Variants in RNF212B observed in about 807,000 individuals in gnomAD.
The protein encoded by RNF212B is ring finger protein 212B.
A neutral mutation model predicts 55.5 loss-of-function variants in RNF212B; 52 were observed. The ratio of observed to expected loss-of-function variants is 0.94; its 90% confidence interval spans 0.75 to 1.18. RNF212B has a LOEUF of 1.18. Among genes scored for constraint, RNF212B ranks in the 50% most tolerant of loss-of-function variants. The probability of loss-of-function intolerance (pLI) is 0.00; values close to 1 mark genes in which losing one functional copy is unlikely to be tolerated. For synonymous variants in RNF212B, 99 were observed against 121.4 expected (o/e 0.82, Z 1.21); for missense variants, 289 against 350.4 (o/e 0.82, Z 1.40).
intron 4 of RNF212B, among the ~76,000 whole-genome samples, chr14:23,246,806 A>T (rs1174758592): frequency 6.6e-6 from 1 of 152,176 alleles, no homozygotes; most frequent in African/African-American, 2.4e-5. Context: ...ACCCACTTAA[A>T]AATAGTTGAA....
chr14:23,200,585 C>T (rs571786562), intron 2 of RNF212B, among the ~76,000 whole-genome samples: 1 of 152,288 alleles, frequency 6.6e-6, no homozygotes, highest in African/African-American at 2.4e-5. Context: ...CTCGGCCTCC[C>T]AAAGTGCTGG....
In RNF212B at chr14:23,244,355, C is replaced by G. The variant is rs1883839935; in HGVS notation, c.187C>G (p.Pro63Ala). 2 of 1,546,848 alleles carry G rather than the reference C, an allele frequency of 1.3e-6. No homozygotes were observed. The highest frequency in any genetic ancestry group is 1.4e-5 in the African/African-American group (1 of 73,048). The part of the protein sequence containing the change: ...KPQEKMFFKS[P>A]VETALQYFSH... ...TCAGGAGAAGATGTTTTTCAAAAGT[C>G]CTGTGGAGACAGCTTTGCAGTATTT... Residue 63 changes from proline (P) to alanine (A), a missense_variant, in exon 4 of 15, where the codon CCT becomes GCT. Physicochemically the swap from Pro to Ala is conservative, Grantham distance 27. Transcript: ENST00000430154.
chr14:23,198,499 C>T (rs1381332742), intron 2 of RNF212B, among the ~76,000 whole-genome samples: 1 of 151,830 alleles, frequency 6.6e-6, no homozygotes, highest in African/African-American at 2.4e-5. Flanking sequence ...CATAGTGAAA[C>T]CCCCGTCTCT....
chr14:23,237,733 A>G (rs1883218043), upstream of RNF212B, among the ~76,000 whole-genome samples: 4 of 152,128 alleles, frequency 2.6e-5, no homozygotes, highest in Middle Eastern at 6.8e-3. Flanking sequence ...TTTGTCCCCA[A>G]TCTTTTAAGT....
intron 1 of RNF212B, among the ~76,000 whole-genome samples, chr14:23,192,548 A>C (rs1594854950): frequency 1.9e-5 from 2 of 107,100 alleles, no homozygotes; most frequent in South Asian, 3.8e-4. Context: ...GGGTGGGGGG[A>C]GGGGGAAGGG....
At chr14:23,258,977 GAGA>G (rs1885072531) in intron 5 of RNF212B, among the ~76,000 whole-genome samples, 1 of 151,046 alleles carries the variant, frequency 6.6e-6, no homozygotes, top group South Asian at 2.1e-4. Flanking sequence ...TTGAGGCCAG[GAGA>G]AGATCAGCCT....
At chr14:23,192,624 A>C (rs1280977613) in intron 1 of RNF212B, among the ~76,000 whole-genome samples, 1 of 152,132 alleles carries the variant, frequency 6.6e-6, no homozygotes, top group East Asian at 1.9e-4. Flanking sequence ...AACATGGCAC[A>C]TGTATACATA....
chr14:23,229,828 G>C (rs56125059), intron 2 of RNF212B: 26,472 of 152,328 alleles, frequency 0.17, 2,307 homozygotes, highest in Non-Finnish European at 0.18. Context: ...AGCAAATAAA[G>C]AAACAGAAAA....
At chr14:23,215,863 G>A (rs937413946) in intron 2 of RNF212B, among the ~76,000 whole-genome samples, 2 of 152,200 alleles carry the variant, frequency 1.3e-5, no homozygotes, top group African/African-American at 2.4e-5. Context: ...CATTCTTAGT[G>A]AGTTATCTAA....
At chr14:23,264,991 C>T (rs931051072) in intron 11 of RNF212B, among the ~76,000 whole-genome samples, 1 of 151,810 alleles carries the variant, frequency 6.6e-6, no homozygotes, top group Non-Finnish European at 1.5e-5. Context: ...CTGGCTAATT[C>T]TGTATTTTTA....
At chr14:23,268,254 T>C (rs1332895603) in intron 11 of RNF212B, among the ~76,000 whole-genome samples, 1 of 152,160 alleles carries the variant, frequency 6.6e-6, no homozygotes, top group African/African-American at 2.4e-5. Context: ...GAATGAATCC[T>C]TCAAAAAGCT....
At chr14:23,192,510 G>T in intron 1 of RNF212B, among the ~76,000 whole-genome samples, 1 of 144,566 alleles carries the variant, frequency 6.9e-6, no homozygotes, top group East Asian at 2.1e-4. Context: ...CACAGGAAGG[G>T]GAACATCACA....
At chr14:23,221,191 A>G (rs546907645) in intron 2 of RNF212B, among the ~76,000 whole-genome samples, 51 of 151,562 alleles carry the variant, frequency 3.4e-4, no homozygotes, top group African/African-American at 1.2e-3. Flanking sequence ...GTTTGAGACG[A>G]GCCTGGCCAG....
upstream of RNF212B, among the ~76,000 whole-genome samples, chr14:23,235,312 T>A (rs1883023456): frequency 1.3e-5 from 2 of 152,074 alleles, no homozygotes; most frequent in African/African-American, 4.8e-5. Context: ...ATTGTGCCAC[T>A]AAACTCTAGC....
At chr14:23,202,681 C>G (rs1231430535) in intron 2 of RNF212B, among the ~76,000 whole-genome samples, 1 of 152,056 alleles carries the variant, frequency 6.6e-6, no homozygotes, top group Non-Finnish European at 1.5e-5. Flanking sequence ...GAAACCCTGT[C>G]TCTACTAAAA....
upstream of RNF212B, among the ~76,000 whole-genome samples, chr14:23,236,331 C>T (rs548416015): frequency 1.3e-4 from 20 of 152,228 alleles, no homozygotes; most frequent in East Asian, 2.5e-3. Context: ...CTGGCCAACA[C>T]GGTGAAACCC....
chr14:23,212,301 T>G (rs1880601235), intron 2 of RNF212B, among the ~76,000 whole-genome samples: 1 of 152,084 alleles, frequency 6.6e-6, no homozygotes, highest in Non-Finnish European at 1.5e-5. Context: ...CAAGAAAAAA[T>G]AAAGGTATAC....
At chr14:23,264,557 T>C (rs1885536784) in intron 10 of RNF212B, 66 bp from the exon 11 acceptor site, 2 of 1,081,012 alleles carry the variant, frequency 1.9e-6, no homozygotes, top group Non-Finnish European at 1.2e-6. Context: ...TATAGATAAA[T>C]AGGGAATAGG....
At chr14:23,194,666 T>C (rs912201865) in intron 2 of RNF212B, among the ~76,000 whole-genome samples, 3 of 130,348 alleles carry the variant, frequency 2.3e-5, no homozygotes, top group Non-Finnish European at 4.6e-5. Flanking sequence ...GCCCGGGAGA[T>C]GGAGGTTGCA....
Sources: gnomAD v4.1 joint callset for allele counts (sites outside exome capture counted in the v4.1 genomes callset) on GRCh38, gnomAD v4.1.1 for gene constraint, MANE v1.5 for transcripts, NCBI Gene and HGNC (gene_info 2026-07-23, HGNC 2026-07-21) for gene names.